LIMD1: variants seen among roughly 807,000 people sequenced by gnomAD.
LIMD1 encodes LIM domain containing 1, also known as LIM domain-containing protein 1.
LIMD1 carries 23 observed loss-of-function variants against 58.4 expected under a neutral mutation model. The ratio of observed to expected loss-of-function variants is 0.39; its 90% CI spans 0.28 to 0.56. The LOEUF (loss-of-function observed/expected upper bound fraction) is 0.56, where lower values mean the gene tolerates loss of function less well. LIMD1 is among the 20% of genes least tolerant of loss of function. The pLI, the probability that LIMD1 is intolerant of heterozygous loss-of-function variation, is 0.57. For synonymous variants in LIMD1, 334 were observed against 345.5 expected, an observed-to-expected ratio of 0.97 and a Z score of 0.37; for missense variants, 838 against 855.5, an observed-to-expected ratio of 0.98 and a Z score of 0.25.
rs1352947073 is a variant in LIMD1 at position 45,685,442 on chromosome 3, C to G, written c.*8383C>G. On this transcript the variant is annotated 3_prime_UTR_variant, in exon 8 of 8. Coordinates refer to ENST00000273317, the MANE Select transcript of LIMD1 (RefSeq NM_014240.3). ...GCTCATATGGAAGCATTTCTTTTCC[C>G]CCTAAAGCCTATGAGACAGGCTGCA... is the stretch of plus-strand genomic sequence containing the variant. The G allele has an allele frequency of 8.5e-5, 13 of 152,264 alleles. No individual in the cohort carries two copies. The East Asian group carries it at 2.5e-3, about 29-fold the overall frequency. 9.4% of individuals were successfully genotyped at this position (152,264 alleles called of 1,614,324 possible).
At chr3:45,632,783 T>G (rs72882531) in intron 1 of LIMD1, among the ~76,000 whole-genome samples, 6,441 of 152,230 alleles carry the variant, frequency 0.042, 455 homozygotes, top group African/African-American at 0.15. Context: ...ACTTCCACAT[T>G]TGCCCCGTCC....
chr3:45,617,278 C>G (rs1407489435), intron 1 of LIMD1, among the ~76,000 whole-genome samples: 1 of 151,368 alleles, frequency 6.6e-6, no homozygotes, highest in Admixed American at 6.6e-5. Context: ...AACTCCTGAC[C>G]TCAGGTGATC....
At chr3:45,639,459 T>C (rs1701820484) in intron 2 of LIMD1, among the ~76,000 whole-genome samples, 2 of 152,138 alleles carry the variant, frequency 1.3e-5, no homozygotes, top group South Asian at 4.1e-4. Context: ...TTTCTCACAG[T>C]TCTAGATGCT....
Position 45,631,601 on chromosome 3 carries a change from G to A in LIMD1, c.1409-4549G>A, listed in dbSNP as rs550826760. 2.0e-5 allele frequency among the ~76,000 whole-genome samples: 3 copies of A among 152,286 alleles called. No individual in the cohort carries two copies. The South Asian group carries it at 6.2e-4, about 32-fold the overall frequency. On this transcript the variant is annotated intron_variant, in intron 1 of 7. Transcript: ENST00000273317. The stretch of plus-strand genomic sequence containing the variant: ...AGCAGCCCGAAGGACTCAGCTGCAG[G>A]AACAGAAAGTGAGGGACAGCTGAAG...
At chr3:45,641,751 C>G (rs1559520792) in intron 2 of LIMD1, among the ~76,000 whole-genome samples, 1 of 152,152 alleles carries the variant, frequency 6.6e-6, no homozygotes, top group Non-Finnish European at 1.5e-5. Context: ...AAGAATGTGT[C>G]AAAGGTACCA....
chr3:45,620,502 A>G (rs1004882563), intron 1 of LIMD1, among the ~76,000 whole-genome samples: 9 of 152,172 alleles, frequency 5.9e-5, no homozygotes, highest in South Asian at 2.1e-4. Context: ...AGAATCATCA[A>G]TGGGGCTGGG....
At chr3:45,625,191 A>G (rs1431421374) in intron 1 of LIMD1, among the ~76,000 whole-genome samples, 1 of 152,104 alleles carries the variant, frequency 6.6e-6, no homozygotes, top group Non-Finnish European at 1.5e-5. Flanking sequence ...TGTTATATAT[A>G]GTTGAGGTTC....
Position 45,654,127 on chromosome 3 carries a change from CAT to C in LIMD1, c.1511-11522_1511-11521del, listed in dbSNP as rs545486381. 3.6e-4 allele frequency among the ~76,000 whole-genome samples: 55 copies of C among 152,308 alleles called. 2 individuals are homozygous for C. The South Asian group carries it at 0.011, about 31-fold the overall frequency. The stretch of plus-strand genomic sequence containing the variant: ...TGATTTAAACTTACATAAATAACCA[CAT>C]GTGGCTAGTAGCCACCATGGACAGT... On this transcript the variant is annotated intron_variant, in intron 2 of 7. Coordinates refer to ENST00000273317, the MANE Select transcript of LIMD1 (RefSeq NM_014240.3).
chr3:45,657,156 G>T (rs544852539), intron 2 of LIMD1, among the ~76,000 whole-genome samples: 1 of 152,250 alleles, frequency 6.6e-6, no homozygotes, highest in South Asian at 2.1e-4. Context: ...GCACCAGGTT[G>T]CTTGCTGTTT....
At chr3:45,650,398 A>T (rs779466556) in intron 2 of LIMD1, among the ~76,000 whole-genome samples, 8 of 152,196 alleles carry the variant, frequency 5.3e-5, no homozygotes, top group Non-Finnish European at 1.2e-4. Context: ...CAGTTTTGTT[A>T]CATAGGTATA....
intron 1 of LIMD1, among the ~76,000 whole-genome samples, chr3:45,601,450 C>T (rs1467186769): frequency 6.6e-6 from 1 of 152,208 alleles, no homozygotes; most frequent in Admixed American, 6.5e-5. Flanking sequence ...GCCTGCCGCA[C>T]CCCAGCAGCT....
Position 45,594,907 on chromosome 3 carries a change from G to C in LIMD1, c.28G>C (p.Glu10Gln). ...GGATAAGTATGACGACCTGGGCCTG[G>C]AGGCCAGTAAATTCATCGAGGACCT... MDKYDDLGL[E>Q]ASKFIEDLNM... The change falls in exon 1 of 8, where the codon GAG becomes CAG. Residue 10 changes from glutamate to glutamine, a missense_variant. Physicochemically the swap from Glu to Gln is conservative, Grantham distance 29. Coordinates refer to ENST00000273317, the MANE Select transcript of LIMD1 (RefSeq NM_014240.3). 6.2e-7 allele frequency: 1 copy of C among 1,611,464 alleles called. No individual in the cohort carries two copies. The highest frequency in any genetic ancestry group is 8.5e-7 in the Non-Finnish European group (1 of 1,179,512).
chr3:45,603,147 G>T (rs1364499976), intron 1 of LIMD1, among the ~76,000 whole-genome samples: 1 of 152,092 alleles, frequency 6.6e-6, no homozygotes, highest in African/African-American at 2.4e-5. Context: ...GGCCCTTCAT[G>T]ACTTTTTAAT....
chr3:45,632,271 AC>A (rs2125657316), intron 1 of LIMD1, among the ~76,000 whole-genome samples: 1 of 152,324 alleles, frequency 6.6e-6, no homozygotes, highest in African/African-American at 2.4e-5. Flanking sequence ...CTTCGGCATT[AC>A]CAAACAATAA....
chr3:45,645,240 C>T (rs970296192), intron 2 of LIMD1, among the ~76,000 whole-genome samples: 21 of 152,302 alleles, frequency 1.4e-4, no homozygotes, highest in African/African-American at 5.1e-4. Context: ...AAGCCTAGTT[C>T]TGCTAGTGCA....
intron 6 of LIMD1, 146 bp downstream of exon 6, chr3:45,673,651 G>A (rs915267108): frequency 7.7e-5 from 53 of 689,460 alleles, no homozygotes; most frequent in Middle Eastern, 6.1e-4. Context: ...AGTGGCTCAC[G>A]CCTGTAATCC....
intron 2 of LIMD1, among the ~76,000 whole-genome samples, chr3:45,656,707 G>A (rs774024974): frequency 6.6e-6 from 1 of 152,006 alleles, no homozygotes; most frequent in Non-Finnish European, 1.5e-5. Flanking sequence ...TAGTAGGGAC[G>A]GGGTTTCACC....
intron 6 of LIMD1, 149 bp from the exon 7 acceptor site, chr3:45,674,194 C>A: frequency 1.7e-6 from 1 of 593,322 alleles, no homozygotes; most frequent in Non-Finnish European, 3.1e-6. Flanking sequence ...ATTCTTCTTC[C>A]AGTAAGTACT....
intron 2 of LIMD1, among the ~76,000 whole-genome samples, chr3:45,653,166 C>T (rs985480368): frequency 1.2e-4 from 18 of 152,266 alleles, no homozygotes; most frequent in Admixed American, 2.6e-4. Flanking sequence ...AAATTAAAAA[C>T]AAAAGCCTCC....
Sources: gnomAD v4.1 joint callset for allele counts (sites outside exome capture counted in the v4.1 genomes callset) on GRCh38, gnomAD v4.1.1 for gene constraint, MANE v1.5 for transcripts, NCBI Gene and HGNC (gene_info 2026-07-23, HGNC 2026-07-21) for gene names.